Variants in IL15 observed in about 807,000 individuals in gnomAD.
IL15 encodes the protein interleukin 15.
Under a neutral mutation model 19.6 loss-of-function variants are expected in IL15, and 11 were observed. The ratio of observed to expected loss-of-function variants is 0.56; its 90% CI spans 0.35 to 0.93. The LOEUF (loss-of-function observed/expected upper bound fraction) is 0.93, where lower values mean the gene tolerates loss of function less well. Ranked by LOEUF, IL15 falls within the 40% of genes least tolerant of loss-of-function variation. The probability of loss-of-function intolerance (pLI) is 0.01; values close to 1 mark genes in which losing one functional copy is unlikely to be tolerated. For synonymous variants in IL15, 58 were observed against 59.6 expected (o/e 0.97, Z 0.12); for missense variants, 197 against 186.5 (o/e 1.06, Z -0.33).
chr4:141,721,193 A>G, intron 4 of IL15: 1 of 936,428 alleles, frequency 1.1e-6, no homozygotes, highest in Non-Finnish European at 1.7e-6. Flanking sequence ...TCTTCATCAT[A>G]AGACAGATTA....
chr4:141,697,435 A>G (rs1438780399), intron 2 of IL15, among the ~76,000 whole-genome samples: 3 of 152,082 alleles, frequency 2.0e-5, no homozygotes, highest in Non-Finnish European at 2.9e-5. Context: ...ATTTGAAGTC[A>G]GATAATGTGA....
chr4:141,663,050 TA>T (rs1370948412), intron 2 of IL15, among the ~76,000 whole-genome samples: 2 of 152,120 alleles, frequency 1.3e-5, no homozygotes, highest in African/African-American at 2.4e-5. Flanking sequence ...AGTAACTCAT[TA>T]AAAAAATAAT....
intron 2 of IL15, among the ~76,000 whole-genome samples, chr4:141,678,987 C>A (rs1468510481): frequency 1.3e-5 from 2 of 152,142 alleles, no homozygotes; most frequent in Non-Finnish European, 2.9e-5. Flanking sequence ...CTATTAATTT[C>A]TTTGTTAACA....
chr4:141,672,788 C>T (rs1045793434), intron 2 of IL15, among the ~76,000 whole-genome samples: 1 of 152,148 alleles, frequency 6.6e-6, no homozygotes, highest in African/African-American at 2.4e-5. Flanking sequence ...TATAGGAATG[C>T]CTTTCATTTT....
At chr4:141,675,688 G>T (rs1029468020) in intron 2 of IL15, among the ~76,000 whole-genome samples, 2 of 152,134 alleles carry the variant, frequency 1.3e-5, no homozygotes, top group South Asian at 4.1e-4. Flanking sequence ...TGGATTGCTT[G>T]ATATGTACCA....
At chr4:141,722,784 C>T (rs1730132494) in intron 5 of IL15, among the ~76,000 whole-genome samples, 1 of 151,730 alleles carries the variant, frequency 6.6e-6, no homozygotes, top group African/African-American at 2.4e-5. Context: ...TTACAAATGC[C>T]CTTGAAGCAA....
intron 2 of IL15, among the ~76,000 whole-genome samples, chr4:141,659,016 C>T (rs570721856): frequency 7.9e-5 from 12 of 151,284 alleles, no homozygotes; most frequent in South Asian, 4.2e-4. Context: ...CCTGCCACCG[C>T]GCCTGGCTAA....
chr4:141,721,190 C>T (rs1350489324), intron 4 of IL15: 4 of 956,910 alleles, frequency 4.2e-6, no homozygotes, highest in Middle Eastern at 2.1e-4. Context: ...AATTCTTCAT[C>T]ATAAGACAGA....
Position 141,729,310 on chromosome 4 carries a change from G to A in IL15, c.241-537G>A, listed in dbSNP as rs76718571. Among the ~76,000 whole-genome samples the A allele has an allele frequency of 5.6e-3, 848 of 152,120 alleles. 16 individuals are homozygous for A. Among genetic ancestry groups the A allele is most frequent in the African/African-American group, 0.02 (822 of 41,500 alleles). ...ATGTTGTGGAAAACATATTTTTGTG[G>A]CACCTAAGAGAGCCTTTTCTGATTT... On this transcript the variant is annotated intron_variant, in intron 6 of 7. Coordinates refer to ENST00000320650, the MANE Select transcript of IL15 (RefSeq NM_000585.5).
chr4:141,676,586 AG>A (rs1728353709), intron 2 of IL15, among the ~76,000 whole-genome samples: 2 of 152,218 alleles, frequency 1.3e-5, no homozygotes, highest in South Asian at 4.1e-4. Context: ...CCTGATAGAA[AG>A]GACATCATGA....
intron 2 of IL15, among the ~76,000 whole-genome samples, chr4:141,680,858 T>C (rs1184476038): frequency 1.3e-5 from 2 of 152,192 alleles, no homozygotes; most frequent in Admixed American, 1.3e-4. Context: ...TTCATTACCC[T>C]AGGTAGAGCT....
At position 141,733,723 on chromosome 4, in the gene IL15, T is replaced by G. The variant is rs961356851; in HGVS notation, c.*875T>G. 3.9e-5 allele frequency: 6 copies of G among 152,224 alleles called. No individual in the cohort carries two copies. The highest frequency in any genetic ancestry group is 8.8e-5 in the Non-Finnish European group (6 of 68,032). The allele number at this position is 152,224 out of a possible 1,614,324, so 9.4% of individuals were successfully genotyped here. The stretch of plus-strand genomic sequence containing the variant: ...GGCCCAGGGAAATCAAAAGATTGGA[T>G]GCCCCTGGTATAGAAAACTAATAGT... On this transcript the variant is annotated 3_prime_UTR_variant, in exon 8 of 8. Transcript: ENST00000320650.
chr4:141,666,487 C>T (rs1030884850), intron 2 of IL15, among the ~76,000 whole-genome samples: 6 of 152,134 alleles, frequency 3.9e-5, no homozygotes, highest in African/African-American at 1.4e-4. Context: ...TCCTGAGTAG[C>T]TGGAGCTACA....
chr4:141,686,740 T>G (rs533904579), intron 2 of IL15, among the ~76,000 whole-genome samples: 18 of 152,298 alleles, frequency 1.2e-4, no homozygotes, highest in African/African-American at 4.3e-4. Context: ...ATTAGCTAAT[T>G]AGAACATTTT....
At chr4:141,718,986 C>G (rs915105113) in intron 2 of IL15, 1 of 152,770 alleles carries the variant, frequency 6.5e-6, no homozygotes, top group Admixed American at 6.5e-5. Flanking sequence ...GTAGAAATGG[C>G]TACTGCTATT....
At chr4:141,678,947 GGTT>G (rs1301455688) in intron 2 of IL15, among the ~76,000 whole-genome samples, 4 of 152,136 alleles carry the variant, frequency 2.6e-5, no homozygotes, top group African/African-American at 9.7e-5. Context: ...ATATTTCTTA[GGTT>G]GTTAAGTGTA....
At chr4:141,711,086 A>G (rs1180360633) in intron 2 of IL15, among the ~76,000 whole-genome samples, 1 of 152,182 alleles carries the variant, frequency 6.6e-6, no homozygotes, top group Non-Finnish European at 1.5e-5. Flanking sequence ...TGGTTGTGGT[A>G]GTAATTTCAT....
intron 1 of IL15, among the ~76,000 whole-genome samples, chr4:141,646,595 A>G (rs943022095): frequency 2.6e-5 from 4 of 152,094 alleles, no homozygotes; most frequent in Non-Finnish European, 5.9e-5. Context: ...CAGATTTTGG[A>G]AAGTAATATA....
At chr4:141,696,253 T>A (rs938571018) in intron 2 of IL15, among the ~76,000 whole-genome samples, 1 of 152,120 alleles carries the variant, frequency 6.6e-6, no homozygotes, top group African/African-American at 2.4e-5. Flanking sequence ...GCATGTGAAC[T>A]TATTTCTGGG....
Sources: allele counts gnomAD v4.1 joint callset (sites outside exome capture counted in the v4.1 genomes callset), GRCh38; gene constraint gnomAD v4.1.1; transcripts MANE v1.5; gene names NCBI Gene and HGNC (gene_info 2026-07-23, HGNC 2026-07-21).